Variants in PRDM12 observed in about 807,000 individuals in gnomAD.
The protein encoded by PRDM12 is PR domain zinc finger protein 12.
PRDM12 carries 17 observed loss-of-function variants against 29.6 expected under a neutral mutation model. That is an observed-to-expected ratio of 0.57 (90% CI 0.39 to 0.86). The LOEUF (loss-of-function observed/expected upper bound fraction) is 0.86, where lower values mean the gene tolerates loss of function less well. Among genes scored for constraint, PRDM12 ranks in the 40% least tolerant of loss-of-function variants. PRDM12 has a pLI of 0.00. For synonymous variants in PRDM12, 231 were observed against 225.8 expected (o/e 1.02, Z -0.21); for missense variants, 422 against 510.8 (o/e 0.83, Z 1.68).
At position 130,681,575 on chromosome 9, in the gene PRDM12, T is replaced by TGCCCGCCCC; in HGVS notation, c.1013_1021dup (p.Pro338_Pro340dup). On this transcript the variant is annotated inframe_insertion, in exon 5 of 5. Coordinates refer to ENST00000253008, the MANE Select transcript of PRDM12 (RefSeq NM_021619.3). The surrounding 1 kb of genome is among the most constrained non-coding windows in gnomAD (Gnocchi z 8.1). ...GCGCTGCAGGCACACTCGCCCGCGC[T>TGCCCGCCCC]GCCCGCCCCGCACGCGCACGCGCCC... 1 of 1,189,470 alleles carries TGCCCGCCCC rather than the reference T, an allele frequency of 8.4e-7. No homozygotes were observed. Among genetic ancestry groups the TGCCCGCCCC allele is most frequent in the African/African-American group, 1.6e-5 (1 of 62,250 alleles). 73.7% of individuals were successfully genotyped at this position (1,189,470 alleles called of 1,614,324 possible).
chr9:130,675,661 C>T (rs1830835308), intron 3 of PRDM12, among the ~76,000 whole-genome samples: 1 of 152,212 alleles, frequency 6.6e-6, no homozygotes, highest in South Asian at 2.1e-4. Flanking sequence ...CCCCAAACAC[C>T]ACTCAGTGAG....
At position 130,668,298 on chromosome 9, in the gene PRDM12, C is replaced by T. The variant is rs759969975; in HGVS notation, c.555C>T (p.Phe185=). Residue 185 remains phenylalanine (F), a synonymous_variant, in exon 3 of 5, where the codon TTC becomes TTT. Transcript: ENST00000253008. This position sits in a 1 kb window ranked among gnomAD's most constrained non-coding sequence, Gnocchi z 4.0. ...LEVVQIGTSI[F]YKAIEMIPPD... The stretch of plus-strand genomic sequence containing the variant: ...TGGTCCAGATCGGCACCAGCATCTT[C>T]TACAAGGCCATTGAGGTGTGTGTGT... 2 of 1,613,938 alleles carry T rather than the reference C, an allele frequency of 1.2e-6. No homozygotes were observed. Among genetic ancestry groups the T allele is most frequent in the Non-Finnish European group, 8.5e-7 (1 of 1,180,022 alleles).
intron 2 of PRDM12, among the ~76,000 whole-genome samples, chr9:130,667,889 T>C (rs972560168): frequency 1.3e-5 from 2 of 152,064 alleles, no homozygotes; most frequent in African/African-American, 2.4e-5. Flanking sequence ...CCTCTTCTTC[T>C]GGGGGTAGGG....
At chr9:130,673,497 C>A (rs1046245306) in intron 3 of PRDM12, among the ~76,000 whole-genome samples, 2 of 152,034 alleles carry the variant, frequency 1.3e-5, no homozygotes, top group African/African-American at 4.8e-5. Context: ...TCAATTCCAG[C>A]AGCCTCTTTT....
chr9:130,674,492 T>TTGTGTGTGTGTGTG lies in PRDM12; in HGVS notation c.571-4009_571-3996dup, dbSNP rs58489448. 2.7e-3 allele frequency among the ~76,000 whole-genome samples: 390 copies of TTGTGTGTGTGTGTG among 142,890 alleles called. 3 individuals are homozygous for TTGTGTGTGTGTGTG. The highest frequency in any genetic ancestry group is 7.8e-3 in the East Asian group (36 of 4,638). The allele number at this position is 142,890 out of a possible 152,430, so 93.7% of individuals were successfully genotyped here. Reference sequence around the variant, plus strand: ...GATTTTCTTGCTTTTAAAAGATAATTTGTGTGTGTGTGTGTGTGTGTGTGT... The same window carrying TTGTGTGTGTGTGTG: ...GATTTTCTTGCTTTTAAAAGATAATTTGTGTGTGTGTGTGTGTGTGTGTGTGTGTGTGTGTGTGT... On this transcript the variant is annotated intron_variant, in intron 3 of 4. Transcript: ENST00000253008.
Position 130,678,618 on chromosome 9 carries a change from G to A in PRDM12, c.660G>A (p.Glu220=). 3 of 1,611,872 alleles carry A rather than the reference G, an allele frequency of 1.9e-6. No homozygotes were observed. The highest frequency in any genetic ancestry group is 2.5e-6 in the Non-Finnish European group (3 of 1,178,310). Residue 220 remains glutamate, a synonymous_variant, in exon 4 of 5, where the codon GAG becomes GAA. Coordinates refer to ENST00000253008, the MANE Select transcript of PRDM12 (RefSeq NM_021619.3). ...LGIPGVPGLE[E]DQKKNKHEDF... Reference sequence around the variant, plus strand: ...TCCCAGGTGTGCCCGGGCTAGAGGAGGACCAGAAAAAGAACAAGCATGGTA... The same window carrying A: ...TCCCAGGTGTGCCCGGGCTAGAGGAAGACCAGAAAAAGAACAAGCATGGTA...
intron 2 of PRDM12, among the ~76,000 whole-genome samples, chr9:130,667,729 G>A (rs1027961690): frequency 6.6e-6 from 1 of 152,166 alleles, no homozygotes; most frequent in Non-Finnish European, 1.5e-5. Context: ...GGCCAAGCTG[G>A]AGTGCCACAG....
chr9:130,678,677 C>A, intron 4 of PRDM12, 37 bp downstream of exon 4: 2 of 1,521,504 alleles, frequency 1.3e-6, no homozygotes, highest in East Asian at 2.3e-5. Flanking sequence ...GACACAGACC[C>A]ATGGAGAGGG....
chr9:130,681,280 C>T lies in PRDM12; in HGVS notation c.715C>T (p.Pro239Ser). Residue 239 changes from proline to serine, a missense_variant, in exon 5 of 5, where the codon CCC (proline) becomes TCC (serine). Pro to Ser is a moderately conservative substitution (Grantham distance 74). Around this residue, in one of 5 missense-constraint regions of PRDM12, gnomAD observed 300 missense variants for 350.0 expected, o/e 0.86. Transcript: ENST00000253008. The surrounding 1 kb of genome is among the most constrained non-coding windows in gnomAD (Gnocchi z 8.1). ...DFHPADSAAG[P>S]AGRMRCVICH... is the part of the protein sequence containing the mutation. ...CCACCCGGCGGACTCGGCGGCTGGCCCCGCGGGCCGCATGCGATGCGTCAT... is the reference window on the plus strand; with the variant it reads ...CCACCCGGCGGACTCGGCGGCTGGCTCCGCGGGCCGCATGCGATGCGTCAT... 2 of 1,487,888 alleles carry T rather than the reference C, an allele frequency of 1.3e-6. No homozygotes were observed. Among genetic ancestry groups the T allele is most frequent in the Non-Finnish European group, 1.8e-6 (2 of 1,112,848 alleles). 92.2% of individuals were successfully genotyped at this position (1,487,888 alleles called of 1,614,324 possible).
At chr9:130,678,019 C>G (rs751776751) in intron 3 of PRDM12, among the ~76,000 whole-genome samples, 1 of 151,792 alleles carries the variant, frequency 6.6e-6, no homozygotes, top group Non-Finnish European at 1.5e-5. Context: ...TGTGCTTGGT[C>G]GGGAAGTACC....
intron 3 of PRDM12, among the ~76,000 whole-genome samples, chr9:130,669,932 A>T (rs1254405745): frequency 2.0e-5 from 3 of 150,610 alleles, no homozygotes; most frequent in East Asian, 3.9e-4. Context: ...TGGGAAGAGG[A>T]GGGCTTCCTG....
Position 130,668,898 on chromosome 9 carries a change from C to T in PRDM12, c.570+585C>T, listed in dbSNP as rs1182638482. 6.6e-6 allele frequency among the ~76,000 whole-genome samples: 1 copy of T among 152,186 alleles called. No individual in the cohort carries two copies. The highest frequency in any genetic ancestry group is 1.5e-5 in the Non-Finnish European group (1 of 68,040). ...GGATTCTGTGATTATTTACAGTTTA[C>T]TGACCAGAAAACCAGGTCTCCCTCG... On this transcript the variant is annotated intron_variant, in intron 3 of 4. Transcript: ENST00000253008. This position sits in a 1 kb window ranked among gnomAD's most constrained non-coding sequence, Gnocchi z 4.0.
At chr9:130,677,269 G>A (rs1830851556) in intron 3 of PRDM12, among the ~76,000 whole-genome samples, 2 of 152,142 alleles carry the variant, frequency 1.3e-5, no homozygotes, top group Admixed American at 6.6e-5. Flanking sequence ...TTGCTGCAAT[G>A]GTCTGAGGGT....
At chr9:130,667,090 G>T (rs1052104930) in intron 2 of PRDM12, among the ~76,000 whole-genome samples, 2 of 152,254 alleles carry the variant, frequency 1.3e-5, no homozygotes, top group Non-Finnish European at 2.9e-5. Flanking sequence ...ACCCAGAGCA[G>T]TCAGGTCGCT....
intron 4 of PRDM12, among the ~76,000 whole-genome samples, chr9:130,679,804 T>C (rs1363699976): frequency 1.3e-5 from 2 of 151,898 alleles, no homozygotes; most frequent in Admixed American, 6.6e-5. Context: ...GGGACCACAG[T>C]CGTGCACCAC....
chr9:130,682,436 T>G lies in PRDM12; in HGVS notation c.*767T>G, dbSNP rs955644187. 1.3e-5 allele frequency: 2 copies of G among 152,542 alleles called. No homozygotes were observed. The highest frequency in any genetic ancestry group is 3.4e-3 in the Middle Eastern group (1 of 294). The allele number at this position is 152,542 out of a possible 1,614,324, so 9.4% of individuals were successfully genotyped here. ...ACCCTGCACCTCTTTGGGCCTCAGT[T>G]TCCCCATCTGTAAAATGAAGGAGTT... On this transcript the variant is annotated 3_prime_UTR_variant, in exon 5 of 5. Coordinates refer to ENST00000253008, the MANE Select transcript of PRDM12 (RefSeq NM_021619.3). The surrounding 1 kb of genome is among the most constrained non-coding windows in gnomAD (Gnocchi z 4.2).
At position 130,668,548 on chromosome 9, in the gene PRDM12, C is replaced by G. The variant is rs1287439303; in HGVS notation, c.570+235C>G. On this transcript the variant is annotated intron_variant, in intron 3 of 4. Transcript: ENST00000253008. The surrounding 1 kb of genome is among the most constrained non-coding windows in gnomAD (Gnocchi z 4.0). ...CTGCTGCAGATCAGAAATGATGGAG[C>G]TCTCAACTTGACGGCATTGGGAATG... 6.6e-6 allele frequency among the ~76,000 whole-genome samples: 1 copy of G among 152,204 alleles called. No homozygotes were observed. The highest frequency in any genetic ancestry group is 1.5e-5 in the Non-Finnish European group (1 of 68,044).
rs956626592 is a variant in PRDM12 at position 130,682,916 on chromosome 9, A to G, written c.*1247A>G. ...CTGTAATATATTATTATTTGATTGT[A>G]TATGTACAACTGTAAATACATTTGT... On this transcript the variant is annotated 3_prime_UTR_variant, in exon 5 of 5. Coordinates refer to ENST00000253008, the MANE Select transcript of PRDM12 (RefSeq NM_021619.3). The surrounding 1 kb of genome is among the most constrained non-coding windows in gnomAD (Gnocchi z 4.2). 2.0e-5 allele frequency: 3 copies of G among 152,674 alleles called. No individual in the cohort carries two copies. Among genetic ancestry groups the G allele is most frequent in the African/African-American group, 4.8e-5 (2 of 41,462 alleles). The allele number at this position is 152,674 out of a possible 1,614,324, so 9.5% of individuals were successfully genotyped here.
chr9:130,666,932 G>T (rs921301655), intron 2 of PRDM12, 134 bp downstream of exon 2: 9 of 1,235,508 alleles, frequency 7.3e-6, no homozygotes, highest in Non-Finnish European at 8.6e-6. Flanking sequence ...GACGCCCCCT[G>T]AGCCGGGACT....
Sources: allele counts gnomAD v4.1 joint callset (sites outside exome capture counted in the v4.1 genomes callset), GRCh38; gene constraint gnomAD v4.1.1; regional missense constraint gnomAD v4.1.1; non-coding constraint Gnocchi (gnomAD v3.1); transcripts MANE v1.5; gene names NCBI Gene and HGNC (gene_info 2026-07-23, HGNC 2026-07-21).